The following SGCD variants were observed in gnomAD, a reference collection of about 807,000 sequenced individuals.
SGCD encodes the protein sarcoglycan delta.
SGCD carries 18 observed loss-of-function variants against 36.6 expected under a neutral mutation model. That is an observed-to-expected ratio of 0.49 (90% CI 0.34 to 0.73). The LOEUF is 0.73. SGCD is among the 30% of genes least tolerant of loss of function. SGCD has a pLI of 0.01. For synonymous variants in SGCD, 133 were observed against 130.6 expected (o/e 1.02, Z -0.12); for missense variants, 387 against 346.7 (o/e 1.12, Z -0.92).
At chr5:156,503,872 T>G (rs796942729) in intron 3 of SGCD, among the ~76,000 whole-genome samples, 1 of 152,164 alleles carries the variant, frequency 6.6e-6, no homozygotes, top group Non-Finnish European at 1.5e-5. Flanking sequence ...AGAGTTTTTT[T>G]TTAATTACTA....
chr5:156,027,352 A>G (rs908697201), intron 1 of SGCD, among the ~76,000 whole-genome samples: 1 of 152,190 alleles, frequency 6.6e-6, no homozygotes. Context: ...AAAGGGTTTA[A>G]AAGTGAATTT....
chr5:155,787,753 C>T, the SGCD span, among the ~76,000 whole-genome samples: 1 of 152,004 alleles, frequency 6.6e-6, no homozygotes, highest in African/African-American at 2.4e-5. Context: ...GGCACCGGAA[C>T]ACCCATCTAC....
chr5:156,726,169 T>A (rs1755763062), intron 7 of SGCD, among the ~76,000 whole-genome samples: 1 of 152,194 alleles, frequency 6.6e-6, no homozygotes, highest in African/African-American at 2.4e-5. Context: ...TTTAGAACTA[T>A]TTGCATCTTG....
At chr5:156,067,930 G>T (rs1386875761) in intron 1 of SGCD, among the ~76,000 whole-genome samples, 5 of 147,774 alleles carry the variant, frequency 3.4e-5, no homozygotes, top group South Asian at 2.1e-4. Flanking sequence ...GCTGTAGACC[G>T]GAGCTGTTCC....
chr5:156,650,264 T>C (rs1763410958), intron 7 of SGCD, among the ~76,000 whole-genome samples: 1 of 152,088 alleles, frequency 6.6e-6, no homozygotes, highest in Non-Finnish European at 1.5e-5. Context: ...CTTTGTGTAG[T>C]TGGTTTATTT....
chr5:155,969,932 T>A (rs927535878), intron 1 of SGCD, among the ~76,000 whole-genome samples: 2 of 152,122 alleles, frequency 1.3e-5, no homozygotes, highest in Non-Finnish European at 2.9e-5. Flanking sequence ...TCTTTGCTTT[T>A]TTTTTCAGCT....
chr5:155,854,397 T>C, the SGCD span, among the ~76,000 whole-genome samples: 2 of 152,238 alleles, frequency 1.3e-5, no homozygotes, highest in Non-Finnish European at 2.9e-5. Flanking sequence ...TGTTACCCTT[T>C]GGCATGTTTC....
chr5:156,420,443 G>A (rs1030350442), intron 3 of SGCD, among the ~76,000 whole-genome samples: 1 of 152,084 alleles, frequency 6.6e-6, no homozygotes, highest in African/African-American at 2.4e-5. Flanking sequence ...GGAGCTTCGG[G>A]AATATTGGAA....
chr5:156,097,547 T>C (rs1761411549), intron 1 of SGCD, among the ~76,000 whole-genome samples: 3 of 152,218 alleles, frequency 2.0e-5, no homozygotes, highest in Non-Finnish European at 4.4e-5. Flanking sequence ...TATAGTATTT[T>C]TTTGTTCTAT....
chr5:156,592,211 C>T (rs1760751114), intron 5 of SGCD, among the ~76,000 whole-genome samples: 1 of 151,992 alleles, frequency 6.6e-6, no homozygotes, highest in African/African-American at 2.4e-5. Flanking sequence ...ATGTGTGTCC[C>T]CAAGTTATAC....
chr5:156,405,032 C>T (rs1772335851), intron 3 of SGCD, among the ~76,000 whole-genome samples: 2 of 152,090 alleles, frequency 1.3e-5, no homozygotes, highest in Admixed American at 1.3e-4. Context: ...TGGGAGTCAC[C>T]AGCCTAATCA....
intron 7 of SGCD, among the ~76,000 whole-genome samples, chr5:156,754,628 A>T (rs1460060911): frequency 6.6e-6 from 1 of 152,222 alleles, no homozygotes; most frequent in Non-Finnish European, 1.5e-5. Flanking sequence ...TTTGGAGTCC[A>T]CTAAATTGAA....
chr5:156,511,719 A>T (rs1170952365), intron 4 of SGCD, among the ~76,000 whole-genome samples: 3 of 152,182 alleles, frequency 2.0e-5, no homozygotes, highest in Admixed American at 1.3e-4. Flanking sequence ...TCACATTCTT[A>T]TCATGTTTAT....
At chr5:156,526,730 C>T (rs954026064) in intron 4 of SGCD, among the ~76,000 whole-genome samples, 2 of 152,014 alleles carry the variant, frequency 1.3e-5, no homozygotes, top group Admixed American at 1.3e-4. Flanking sequence ...ATAATGTGAA[C>T]CAGCTGCTTA....
chr5:156,606,847 T>C (rs1761484401), intron 6 of SGCD, among the ~76,000 whole-genome samples: 1 of 152,192 alleles, frequency 6.6e-6, no homozygotes, highest in African/African-American at 2.4e-5. Flanking sequence ...GGCTCTCTGT[T>C]TGTCTGTTAT....
intron 7 of SGCD, among the ~76,000 whole-genome samples, chr5:156,668,175 CACAGACT>C (rs1461678166): frequency 1.3e-5 from 2 of 152,156 alleles, no homozygotes; most frequent in African/African-American, 4.8e-5. Flanking sequence ...GTCCAAGAGC[CACAGACT>C]AAGGCATGAT....
chr5:156,709,674 G>A (rs768812949), intron 7 of SGCD, among the ~76,000 whole-genome samples: 11 of 152,110 alleles, frequency 7.2e-5, no homozygotes, highest in Non-Finnish European at 1.3e-4. Flanking sequence ...TTATACTCTT[G>A]CACACTTGCT....
intron 1 of SGCD, among the ~76,000 whole-genome samples, chr5:155,971,444 A>T (rs1488207136): frequency 1.3e-5 from 2 of 152,134 alleles, no homozygotes; most frequent in African/African-American, 4.8e-5. Flanking sequence ...TACAGTTTTT[A>T]TTCCCATATA....
intron 4 of SGCD, among the ~76,000 whole-genome samples, chr5:156,572,917 C>CAAAA (rs1581188393): frequency 6.6e-6 from 1 of 152,152 alleles, no homozygotes; most frequent in East Asian, 1.9e-4. Context: ...TCTTGTCTCT[C>CAAAA]TTTTGACCTG....
Sources: allele counts gnomAD v4.1 joint callset (sites outside exome capture counted in the v4.1 genomes callset), GRCh38; gene constraint gnomAD v4.1.1; transcripts MANE v1.5; gene names NCBI Gene and HGNC (gene_info 2026-07-23, HGNC 2026-07-21).